The following L3MBTL4 variants were observed in gnomAD, a reference collection of about 807,000 sequenced individuals.
L3MBTL4 encodes lethal(3)malignant brain tumor-like protein 4.
In L3MBTL4, 70 loss-of-function variants were observed where a neutral mutation model predicts 84.5. The ratio of observed to expected loss-of-function variants is 0.83; its 90% CI spans 0.68 to 1.01. The LOEUF (loss-of-function observed/expected upper bound fraction) is 1.01, where lower values mean the gene tolerates loss of function less well. Among genes scored for constraint, L3MBTL4 ranks in the 50% least tolerant of loss-of-function variants. The pLI, the probability that L3MBTL4 is intolerant of heterozygous loss-of-function variation, is 0.00. For synonymous variants in L3MBTL4, 274 were observed against 259.8 expected, an observed-to-expected ratio of 1.05 and a Z score of -0.52; for missense variants, 715 against 754.8, an observed-to-expected ratio of 0.95 and a Z score of 0.62.
chr18:6,037,060 C>T (rs557686436), intron 16 of L3MBTL4, among the ~76,000 whole-genome samples: 66 of 152,254 alleles, frequency 4.3e-4, no homozygotes, highest in African/African-American at 1.4e-3. Flanking sequence ...TGCAACAATG[C>T]GGGGAGATGT....
At chr18:6,005,551 C>T (rs2054437460) in intron 16 of L3MBTL4, among the ~76,000 whole-genome samples, 1 of 152,114 alleles carries the variant, frequency 6.6e-6, no homozygotes, top group Admixed American at 6.5e-5. Context: ...CATATGAACT[C>T]GATGTTTAGC....
At chr18:6,154,052 C>A (rs1484482505) in intron 13 of L3MBTL4, among the ~76,000 whole-genome samples, 2 of 152,142 alleles carry the variant, frequency 1.3e-5, no homozygotes, top group Non-Finnish European at 2.9e-5. Flanking sequence ...CCTTTCATTT[C>A]TTTTTCTTCT....
At chr18:6,155,785 T>C (rs528689906) in intron 13 of L3MBTL4, among the ~76,000 whole-genome samples, 4 of 152,204 alleles carry the variant, frequency 2.6e-5, no homozygotes, top group Non-Finnish European at 5.9e-5. Flanking sequence ...TGCAACTTCT[T>C]GATTCTTGGT....
At chr18:5,994,233 G>C (rs1181231395) in intron 16 of L3MBTL4, among the ~76,000 whole-genome samples, 3 of 152,214 alleles carry the variant, frequency 2.0e-5, no homozygotes, top group African/African-American at 7.2e-5. Flanking sequence ...CTACCGGCCA[G>C]GCATCTGCTT....
intron 16 of L3MBTL4, among the ~76,000 whole-genome samples, chr18:6,070,928 A>G (rs190605596): frequency 9.2e-4 from 140 of 152,326 alleles, no homozygotes; most frequent in African/African-American, 3.1e-3. Context: ...AAAGATAAAG[A>G]TGCATTTTGT....
intron 13 of L3MBTL4, among the ~76,000 whole-genome samples, chr18:6,153,476 T>C (rs1008671718): frequency 1.3e-5 from 2 of 152,240 alleles, no homozygotes; most frequent in African/African-American, 2.4e-5. Context: ...TTTGATGCTA[T>C]TGTAAATGGA....
In L3MBTL4 at chr18:5,962,425, G is replaced by T. The variant is rs149206187; in HGVS notation, c.1615-2269C>A. Among the ~76,000 whole-genome samples the T allele has an allele frequency of 2.0e-5, 3 of 152,294 alleles. No individual in the cohort carries two copies. In the East Asian group the frequency reaches 5.8e-4, roughly 29 times the overall value. ...TGAGCAGCAGGAGGAATGCAGTTTG[G>T]CTGAGCTGAGGAGTAGACAGGGAGT... is the stretch of plus-strand genomic sequence containing the variant. On this transcript the variant is annotated intron_variant, in intron 17 of 18. Coordinates refer to ENST00000317931, the MANE Select transcript of L3MBTL4 (RefSeq NM_001330559.2).
chr18:5,973,342 C>T (rs1056874211), intron 16 of L3MBTL4, among the ~76,000 whole-genome samples: 3 of 152,190 alleles, frequency 2.0e-5, no homozygotes, highest in African/African-American at 7.2e-5. Context: ...CAGCCTGTTG[C>T]CGATGTGTGG....
chr18:6,261,445 C>A (rs2048394580), intron 5 of L3MBTL4, among the ~76,000 whole-genome samples: 1 of 152,220 alleles, frequency 6.6e-6, no homozygotes, highest in South Asian at 2.1e-4. Flanking sequence ...GGGTGCATCA[C>A]CTGCTCACCA....
At chr18:6,357,727 C>G (rs1016864691) in intron 1 of L3MBTL4, among the ~76,000 whole-genome samples, 6 of 152,122 alleles carry the variant, frequency 3.9e-5, no homozygotes, top group African/African-American at 1.4e-4. Flanking sequence ...GCATATACGA[C>G]AGAGAATGGC....
intron 16 of L3MBTL4, among the ~76,000 whole-genome samples, chr18:5,990,768 TGG>T (rs1226524335): frequency 0.01 from 1,332 of 127,126 alleles, 21 homozygotes; most frequent in African/African-American, 0.036. Flanking sequence ...AGGGTTCATG[TGG>T]GTGTGTGTGT....
chr18:6,263,971 T>C lies in L3MBTL4; in HGVS notation c.195A>G (p.Ala65=), dbSNP rs201899062. The change falls in exon 5 of 19, where the codon GCA becomes GCG. Residue 65 remains alanine, a synonymous_variant. Transcript: ENST00000317931. ...EWYLKEQKAV[A]APVELFSKDQ... is the part of the protein sequence containing the mutation. ...CCTTGGAAAACAGCTCAACAGGTGC[T>C]GCGACAGCCTTCTGTTCTTTCAAGT... 116 of 1,613,880 alleles carry C rather than the reference T, an allele frequency of 7.2e-5. No individual in the cohort carries two copies. Among genetic ancestry groups the C allele is most frequent in the Non-Finnish European group, 7.0e-5 (83 of 1,179,818 alleles).
At chr18:6,023,922 C>T (rs1054865006) in intron 16 of L3MBTL4, among the ~76,000 whole-genome samples, 7 of 152,202 alleles carry the variant, frequency 4.6e-5, no homozygotes, top group Non-Finnish European at 8.8e-5. Context: ...GAATACATAG[C>T]TATTACGCTT....
At chr18:6,019,712 C>T (rs1029725792) in intron 16 of L3MBTL4, among the ~76,000 whole-genome samples, 1 of 152,076 alleles carries the variant, frequency 6.6e-6, no homozygotes, top group African/African-American at 2.4e-5. Flanking sequence ...TTAATTCACC[C>T]AAGATGAAAA....
At chr18:6,091,299 A>G (rs1359601995) in intron 15 of L3MBTL4, among the ~76,000 whole-genome samples, 1 of 152,210 alleles carries the variant, frequency 6.6e-6, no homozygotes, top group East Asian at 1.9e-4. Flanking sequence ...AGACTCGAAA[A>G]GGGAATGACT....
At chr18:6,350,736 A>G (rs2053143949) in intron 1 of L3MBTL4, among the ~76,000 whole-genome samples, 1 of 152,206 alleles carries the variant, frequency 6.6e-6, no homozygotes, top group South Asian at 2.1e-4. Context: ...TAAACTGAAA[A>G]GAAGTGAAAG....
At chr18:6,382,488 T>G (rs2054632141) in intron 1 of L3MBTL4, among the ~76,000 whole-genome samples, 1 of 152,226 alleles carries the variant, frequency 6.6e-6, no homozygotes, top group Non-Finnish European at 1.5e-5. Context: ...TGGTCTTTGA[T>G]GTTGGTGACC....
At chr18:6,272,095 G>T (rs998811945) in intron 4 of L3MBTL4, among the ~76,000 whole-genome samples, 18 of 152,154 alleles carry the variant, frequency 1.2e-4, no homozygotes, top group Admixed American at 6.5e-4. Context: ...GAGACGGGAC[G>T]TCTCAGTTCT....
At chr18:6,058,271 A>G (rs2057092976) in intron 16 of L3MBTL4, among the ~76,000 whole-genome samples, 1 of 152,192 alleles carries the variant, frequency 6.6e-6, no homozygotes, top group African/African-American at 2.4e-5. Context: ...GGTTTTTAAG[A>G]AAAGGAATTC....
Sources: allele counts gnomAD v4.1 joint callset (sites outside exome capture counted in the v4.1 genomes callset), GRCh38; gene constraint gnomAD v4.1.1; transcripts MANE v1.5; gene names NCBI Gene and HGNC (gene_info 2026-07-23, HGNC 2026-07-21).